The following FMN2 variants were observed in gnomAD, a reference collection of about 807,000 sequenced individuals.
The protein encoded by FMN2 is formin 2.
In FMN2, 51 loss-of-function variants were observed where a neutral mutation model predicts 142.3. The ratio of observed to expected loss-of-function variants is 0.36; its 90% CI spans 0.29 to 0.45. The LOEUF (loss-of-function observed/expected upper bound fraction) is 0.45, where lower values mean the gene tolerates loss of function less well. Ranked by LOEUF, FMN2 falls within the 20% of genes least tolerant of loss-of-function variation. The pLI, the probability that FMN2 is intolerant of heterozygous loss-of-function variation, is 1.00. For missense variants in FMN2, 1,936 were observed against 2,122.8 expected (o/e 0.91, Z 1.73); for synonymous variants, 882 against 869.8 (o/e 1.01, Z -0.25).
At position 240,265,922 on chromosome 1, in the gene FMN2, T is replaced by TG. The variant is rs1256289774; in HGVS notation, c.4153+7890_4153+7891insG. Among the ~76,000 whole-genome samples, 61 of 151,438 alleles carry TG rather than the reference T, an allele frequency of 4.0e-4. 1 individual carries two copies. The East Asian group carries it at 0.011, about 28-fold the overall frequency. ...GAGATAACTTAAAGGGGTTTGTTTT[T>TG]TTTTTTTTTTCCTTTTTTCATTGCC... On this transcript the variant is annotated intron_variant, in intron 7 of 17. Coordinates refer to ENST00000319653, the MANE Select transcript of FMN2 (RefSeq NM_020066.5).
chr1:240,235,978 G>C (rs1667697095), intron 6 of FMN2: 1 of 152,128 alleles, frequency 6.6e-6, no homozygotes, highest in African/African-American at 2.4e-5. Context: ...GGTTATTCAT[G>C]TCTATTGTAT....
At chr1:240,161,962 T>C (rs935759160) in intron 2 of FMN2, among the ~76,000 whole-genome samples, 2 of 151,626 alleles carry the variant, frequency 1.3e-5, no homozygotes, top group African/African-American at 2.4e-5. Context: ...GACTGATAAT[T>C]TGGAGTATAT....
At chr1:240,145,667 ACT>A (rs1339429282) in intron 2 of FMN2, among the ~76,000 whole-genome samples, 1 of 146,352 alleles carries the variant, frequency 6.8e-6, no homozygotes, top group Non-Finnish European at 1.5e-5. Flanking sequence ...GTACCACCAC[ACT>A]CTGCTAATTT....
intron 6 of FMN2, among the ~76,000 whole-genome samples, chr1:240,217,909 T>C (rs1666964970): frequency 6.6e-6 from 1 of 152,178 alleles, no homozygotes; most frequent in Non-Finnish European, 1.5e-5. Context: ...TATATTTAGG[T>C]AATCGTGCTT....
intron 15 of FMN2, among the ~76,000 whole-genome samples, chr1:240,397,272 A>C (rs886998881): frequency 6.6e-6 from 1 of 152,008 alleles, no homozygotes; most frequent in East Asian, 1.9e-4. Context: ...GTGTCTATTT[A>C]TGTCCTCTGC....
intron 2 of FMN2, among the ~76,000 whole-genome samples, chr1:240,160,065 A>G (rs1276364587): frequency 6.6e-6 from 1 of 150,526 alleles, no homozygotes; most frequent in Admixed American, 6.7e-5. Flanking sequence ...GTTATTAATA[A>G]AATAAGAGTG....
At chr1:240,232,389 C>T (rs1667558233) in intron 6 of FMN2, among the ~76,000 whole-genome samples, 1 of 152,010 alleles carries the variant, frequency 6.6e-6, no homozygotes, top group Non-Finnish European at 1.5e-5. Flanking sequence ...TGCACTCAGC[C>T]TCTTTTTCTT....
rs548586810 is a variant in FMN2 at position 240,450,376 on chromosome 1, C to T, written c.5060+12166C>T. Among the ~76,000 whole-genome samples the T allele has an allele frequency of 7.9e-5, 12 of 152,200 alleles. No homozygotes were observed. In the South Asian group the frequency reaches 2.1e-3, roughly 26 times the overall value. ...ATTTTCATTTCATTTCATTCTATTTCGATTTACTTTGCTTTTGTTTCCTAA... is the reference window on the plus strand; with the variant it reads ...ATTTTCATTTCATTTCATTCTATTTTGATTTACTTTGCTTTTGTTTCCTAA... On this transcript the variant is annotated intron_variant, in intron 16 of 17. Coordinates refer to ENST00000319653, the MANE Select transcript of FMN2 (RefSeq NM_020066.5).
chr1:240,446,399 A>C (rs1288431619), intron 16 of FMN2, among the ~76,000 whole-genome samples: 1 of 152,208 alleles, frequency 6.6e-6, no homozygotes, highest in Non-Finnish European at 1.5e-5. Context: ...TCTTTTAATG[A>C]GTGTGTAGAC....
chr1:240,264,991 A>G (rs1668752655), intron 7 of FMN2, among the ~76,000 whole-genome samples: 2 of 152,132 alleles, frequency 1.3e-5, no homozygotes, highest in Non-Finnish European at 2.9e-5. Context: ...TTATCTCCAT[A>G]GGGCCAGAAT....
chr1:240,143,540 C>T lies in FMN2; in HGVS notation c.1782+20195C>T, dbSNP rs546816133. 36 of 1,595,944 alleles carry T rather than the reference C, an allele frequency of 2.3e-5. No individual in the cohort carries two copies. The South Asian group carries it at 2.4e-4, about 11-fold the overall frequency. ...TTGGAGTCAAAGTGTTCGCTGCAAACGTGGAGCAGCTGCTGCACCTTCAGC... is the reference window on the plus strand; with the variant it reads ...TTGGAGTCAAAGTGTTCGCTGCAAATGTGGAGCAGCTGCTGCACCTTCAGC... On this transcript the variant is annotated intron_variant, in intron 2 of 17. Coordinates refer to ENST00000319653, the MANE Select transcript of FMN2 (RefSeq NM_020066.5).
intron 3 of FMN2, among the ~76,000 whole-genome samples, chr1:240,186,317 C>G (rs576013239): frequency 3.9e-4 from 60 of 152,268 alleles, no homozygotes; most frequent in Admixed American, 7.8e-4. Flanking sequence ...TCATTCACTC[C>G]TACAATTACT....
chr1:240,312,166 C>T (rs557422885), intron 8 of FMN2, among the ~76,000 whole-genome samples: 1 of 152,168 alleles, frequency 6.6e-6, no homozygotes, highest in African/African-American at 2.4e-5. Flanking sequence ...TTGCATGGTC[C>T]GTCCACTTTA....
At chr1:240,253,655 A>G (rs1488081160) in intron 6 of FMN2, among the ~76,000 whole-genome samples, 1 of 152,140 alleles carries the variant, frequency 6.6e-6, no homozygotes, top group East Asian at 1.9e-4. Context: ...GAGGTGTAAT[A>G]TCTCTTTGTT....
chr1:240,370,054 G>A (rs1164908357), intron 14 of FMN2, among the ~76,000 whole-genome samples: 1 of 152,058 alleles, frequency 6.6e-6, no homozygotes, highest in Non-Finnish European at 1.5e-5. Context: ...GGTTATGTCG[G>A]ACGATTTGAG....
intron 2 of FMN2, among the ~76,000 whole-genome samples, chr1:240,155,894 CTTT>C (rs57086534): frequency 7.3e-5 from 10 of 136,296 alleles, no homozygotes; most frequent in African/African-American, 2.4e-4. Context: ...AAATTAGATA[CTTT>C]TTTTTTTTTT....
intron 2 of FMN2, among the ~76,000 whole-genome samples, chr1:240,147,498 T>G (rs1218584263): frequency 6.6e-6 from 1 of 152,130 alleles, no homozygotes; most frequent in East Asian, 1.9e-4. Context: ...AGTGATTTTT[T>G]TTTTCTTTTT....
chr1:240,235,290 A>T (rs144150144), intron 6 of FMN2, among the ~76,000 whole-genome samples: 1 of 152,276 alleles, frequency 6.6e-6, no homozygotes, highest in East Asian at 1.9e-4. Flanking sequence ...AAATAGAAAG[A>T]CTTCTAAGCC....
At chr1:240,210,499 T>A (rs1396374292) in intron 5 of FMN2, among the ~76,000 whole-genome samples, 1 of 152,238 alleles carries the variant, frequency 6.6e-6, no homozygotes. Context: ...CACTTATGTA[T>A]GTGGGTGATT....
Sources: gnomAD v4.1 joint callset for allele counts (sites outside exome capture counted in the v4.1 genomes callset) on GRCh38, gnomAD v4.1.1 for gene constraint, MANE v1.5 for transcripts, NCBI Gene and HGNC (gene_info 2026-07-23, HGNC 2026-07-21) for gene names.